Variants in AXIN2 observed in about 807,000 individuals in gnomAD.
AXIN2 encodes the protein axin 2, also known as axin-2.
In AXIN2, 21 loss-of-function variants were observed where a neutral mutation model predicts 74.7. The observed-to-expected ratio is 0.28, with a 90% CI of 0.20 to 0.40. The LOEUF is 0.40. AXIN2 is among the 10% of genes least tolerant of loss of function. The pLI, the probability that AXIN2 is intolerant of heterozygous loss-of-function variation, is 1.00. For missense variants in AXIN2, 1,144 were observed against 1,111.1 expected, an observed-to-expected ratio of 1.03 and a Z score of -0.42; for synonymous variants, 532 against 454.9, an observed-to-expected ratio of 1.17 and a Z score of -2.16.
At chr17:65,545,258 C>T (rs544544988) in intron 3 of AXIN2, among the ~76,000 whole-genome samples, 31 of 152,268 alleles carry the variant, frequency 2.0e-4, no homozygotes, top group African/African-American at 7.5e-4. Context: ...TACACTTGGG[C>T]GGCAAAGAGT....
intron 1 of AXIN2, chr17:65,560,801 G>A (rs1241396785): frequency 6.6e-6 from 1 of 151,098 alleles, no homozygotes; most frequent in Admixed American, 6.6e-5. Flanking sequence ...CGGTCCGCCC[G>A]GCCGCCTCGG....
Position 65,529,939 on chromosome 17 carries a change from CG to C in AXIN2, c.*36del, listed in dbSNP as rs759182710. On this transcript the variant is annotated 3_prime_UTR_variant, in exon 11 of 11. Transcript: ENST00000307078. The stretch of plus-strand genomic sequence containing the variant: ...CAGCCAAGACAGTTCACAAGAGCTT[CG>C]GGCTCCAACAGTTCACCAAAGCCAG... 1.2e-6 allele frequency: 2 copies of C among 1,613,804 alleles called. No homozygotes were observed. Among genetic ancestry groups the C allele is most frequent in the South Asian group, 2.2e-5 (2 of 91,058 alleles).
At chr17:65,560,105 C>G (rs2044341021) in intron 1 of AXIN2, 1 of 152,022 alleles carries the variant, frequency 6.6e-6, no homozygotes, top group South Asian at 2.1e-4. Flanking sequence ...CGCCCCGAGC[C>G]CGGGCGGGGG....
At chr17:65,541,651 C>A (rs2044045680) in intron 3 of AXIN2, 94 bp from the exon 4 acceptor site, 9 of 1,035,932 alleles carry the variant, frequency 8.7e-6, no homozygotes, top group Middle Eastern at 2.0e-4. Context: ...GAGATCCCGC[C>A]GACAGGGCCA....
chr17:65,553,811 T>A (rs1177503750), intron 2 of AXIN2, among the ~76,000 whole-genome samples: 9 of 78,274 alleles, frequency 1.1e-4, no homozygotes, highest in African/African-American at 4.5e-4. Context: ...GAAAACGGAG[T>A]GGGGCTGTTT....
chr17:65,534,100 A>C lies in AXIN2; in HGVS notation c.2238-21T>G, dbSNP rs1458183060. 5.6e-6 allele frequency: 9 copies of C among 1,613,992 alleles called. No individual in the cohort carries two copies. In the Admixed American group the frequency reaches 1.5e-4, roughly 27 times the overall value. ...TGTGACTGAAAATAAGATGGAATGGAACAAGTTTAGCATTTTAAAGCAGAC... is the reference window on the plus strand; with the variant it reads ...TGTGACTGAAAATAAGATGGAATGGCACAAGTTTAGCATTTTAAAGCAGAC... On this transcript the variant is annotated intron_variant, in intron 9 of 10. Coordinates refer to ENST00000307078, the MANE Select transcript of AXIN2 (RefSeq NM_004655.4).
intron 3 of AXIN2, among the ~76,000 whole-genome samples, chr17:65,548,569 C>T (rs2044147493): frequency 6.6e-6 from 1 of 152,212 alleles, no homozygotes; most frequent in African/African-American, 2.4e-5. Flanking sequence ...AACAATGAAT[C>T]TCAACCGGGT....
At chr17:65,560,388 A>G (rs2044347678) in intron 1 of AXIN2, 1 of 134,670 alleles carries the variant, frequency 7.4e-6, no homozygotes, top group East Asian at 2.7e-4. Context: ...GAGGGGGAAG[A>G]GAAGTAGGAG....
Position 65,560,966 on chromosome 17 carries a change from G to A in AXIN2, c.-117+484C>T, listed in dbSNP as rs2044362229. ...GGCGTCGGGGAACATGGGGAGTCGTGCGGCGGGGGAGGGGGTGCGGGAAAC... is the reference window on the plus strand; with the variant it reads ...GGCGTCGGGGAACATGGGGAGTCGTACGGCGGGGGAGGGGGTGCGGGAAAC... On this transcript the variant is annotated intron_variant, in intron 1 of 10. Transcript: ENST00000307078. 3 of 148,612 alleles carry A rather than the reference G, an allele frequency of 2.0e-5. No homozygotes were observed. In the South Asian group the frequency reaches 6.3e-4, roughly 31 times the overall value. The allele number at this position is 148,612 out of a possible 1,614,324, so 9.2% of individuals were successfully genotyped here.
chr17:65,538,489 G>A (rs985464151), intron 4 of AXIN2, 146 bp from the exon 5 acceptor site: 49 of 1,085,178 alleles, frequency 4.5e-5, no homozygotes, highest in Non-Finnish European at 6.2e-5. Flanking sequence ...TGGGCTGCTC[G>A]GGACTTTTAT....
chr17:65,529,763 G>A lies in AXIN2; in HGVS notation c.*213C>T. The A allele has an allele frequency of 4.4e-6, 3 of 680,726 alleles. No homozygotes were observed. Among genetic ancestry groups the A allele is most frequent in the Non-Finnish European group, 7.3e-6 (3 of 410,586 alleles). 42.2% of individuals were successfully genotyped at this position (680,726 alleles called of 1,614,324 possible). A position where few individuals can be genotyped will look rare whatever the true frequency, so the allele number is the denominator to read the frequency against. On this transcript the variant is annotated 3_prime_UTR_variant, in exon 11 of 11. Transcript: ENST00000307078. ...GGTCATGTTTTTAATAAATAGTTCA[G>A]GCTTTTCTTATCTCAGTCAGTACCC...
Position 65,558,429 on chromosome 17 carries a change from C to T in AXIN2, c.192G>A (p.Glu64=). 6.3e-7 allele frequency: 1 copy of T among 1,599,398 alleles called. No homozygotes were observed. The highest frequency in any genetic ancestry group is 8.5e-7 in the Non-Finnish European group (1 of 1,170,946). ...AATCCGGAGATGCCCGCCCCTCCGG[C>T]TCCCCCAACCCATCTTCGTTCCGCC... The part of the protein sequence containing the change: ...NTRRNEDGLG[E]PEGRASPDSP... The change falls in exon 2 of 11, where the codon GAG becomes GAA. Residue 64 remains glutamate, a synonymous_variant. Transcript: ENST00000307078.
In AXIN2 at chr17:65,529,933, G is replaced by A. The variant is rs2043788072; in HGVS notation, c.*43C>T. ...TGCTCACAGCCAAGACAGTTCACAA[G>A]AGCTTCGGGCTCCAACAGTTCACCA... On this transcript the variant is annotated 3_prime_UTR_variant, in exon 11 of 11. Transcript: ENST00000307078. 1 of 1,613,442 alleles carries A rather than the reference G, an allele frequency of 6.2e-7. No individual in the cohort carries two copies. Among genetic ancestry groups the A allele is most frequent in the Non-Finnish European group, 8.5e-7 (1 of 1,179,726 alleles).
rs759128363 is a variant in AXIN2, at chr17:65,538,298, T to G, written c.1105A>C (p.Thr369Pro). 1.9e-5 allele frequency: 31 copies of G among 1,613,642 alleles called. No homozygotes were observed. The highest frequency in any genetic ancestry group is 2.5e-5 in the Non-Finnish European group (30 of 1,179,920). The change falls in exon 5 of 11, where the codon ACC becomes CCC. Residue 369 changes from threonine (T) to proline (P), a missense_variant. By Grantham distance (38) the Thr-to-Pro change is conservative (BLOSUM62 -1). Around this residue, in one of 4 missense-constraint regions of AXIN2, gnomAD observed 1,053 missense variants for 973.5 expected, o/e 1.08. Coordinates refer to ENST00000307078, the MANE Select transcript of AXIN2 (RefSeq NM_004655.4). Reference protein sequence around the residue: ...PKEMTPVEPATFAAELISRLE... With the variant: ...PKEMTPVEPAPFAAELISRLE... Reference sequence around the variant, plus strand: ...CTCGAGATCAGCTCAGCTGCAAAGGTGGCGGGTTCCACGGGGGTCATCTCC... The same window carrying G: ...CTCGAGATCAGCTCAGCTGCAAAGGGGGCGGGTTCCACGGGGGTCATCTCC...
intron 3 of AXIN2, among the ~76,000 whole-genome samples, chr17:65,542,762 T>C (rs867772300): frequency 3.3e-5 from 5 of 152,224 alleles, no homozygotes; most frequent in Admixed American, 2.6e-4. Flanking sequence ...AGGCCACTTA[T>C]TTACAAAAGC....
chr17:65,531,789 AC>A (rs1330453650), intron 10 of AXIN2, among the ~76,000 whole-genome samples: 1 of 152,022 alleles, frequency 6.6e-6, no homozygotes, highest in Admixed American at 6.5e-5. Context: ...CTTTCTTCTG[AC>A]ATCTGGCACC....
chr17:65,555,538 TTACTAATTA>T (rs113115395), intron 2 of AXIN2, among the ~76,000 whole-genome samples: 1,953 of 152,292 alleles, frequency 0.013, 42 homozygotes, highest in African/African-American at 0.043. Flanking sequence ...TACATCATCA[TTACTAATTA>T]TACTAATTAT....
chr17:65,541,001 C>A (rs960591478), intron 4 of AXIN2, among the ~76,000 whole-genome samples: 1 of 152,142 alleles, frequency 6.6e-6, no homozygotes, highest in Non-Finnish European at 1.5e-5. Flanking sequence ...CTCAGGCTCC[C>A]AAGTAGCTGG....
chr17:65,535,567 A>C, intron 9 of AXIN2, 59 bp downstream of exon 9: 1 of 1,528,058 alleles, frequency 6.5e-7, no homozygotes, highest in Non-Finnish European at 9.1e-7. Context: ...CCAGATAGCG[A>C]ATATTCTGAA....
Sources: allele counts gnomAD v4.1 joint callset (sites outside exome capture counted in the v4.1 genomes callset), GRCh38; gene constraint gnomAD v4.1.1; regional missense constraint gnomAD v4.1.1; transcripts MANE v1.5; gene names NCBI Gene and HGNC (gene_info 2026-07-23, HGNC 2026-07-21).